Variants in ROR2 observed in about 807,000 individuals in gnomAD.
The protein encoded by ROR2 is tyrosine-protein kinase transmembrane receptor ROR2.
A neutral mutation model predicts 74.9 loss-of-function variants in ROR2; 33 were observed. The ratio of observed to expected loss-of-function variants is 0.44; its 90% confidence interval spans 0.33 to 0.59. The LOEUF is 0.59. ROR2 is among the 20% of genes least tolerant of loss of function. The pLI is 0.02. For missense variants in ROR2, 1,216 were observed against 1,313.8 expected, an observed-to-expected ratio of 0.93 and a Z score of 1.15; for synonymous variants, 586 against 558.7, an observed-to-expected ratio of 1.05 and a Z score of -0.69.
At chr9:91,781,271 C>G (rs1006744577) in intron 1 of ROR2, among the ~76,000 whole-genome samples, 1 of 152,176 alleles carries the variant, frequency 6.6e-6, no homozygotes, top group African/African-American at 2.4e-5. Flanking sequence ...CCAGACACCC[C>G]CTGAATGAAT....
chr9:91,834,118 C>T (rs1393882658), intron 1 of ROR2, among the ~76,000 whole-genome samples: 1 of 152,152 alleles, frequency 6.6e-6, no homozygotes, highest in African/African-American at 2.4e-5. Flanking sequence ...TACATGATCT[C>T]CATGGCAAAG....
Position 91,729,162 on chromosome 9 carries a change from T to C in ROR2, c.1183+1748A>G, listed in dbSNP as rs537097090. ...GGAAATCACTGCTAAAAGTTTGATATCCATCTTTCCAAAACCTCGTAAAAG... is the reference window on the plus strand; with the variant it reads ...GGAAATCACTGCTAAAAGTTTGATACCCATCTTTCCAAAACCTCGTAAAAG... On this transcript the variant is annotated intron_variant, in intron 7 of 8. Coordinates refer to ENST00000375708, the MANE Select transcript of ROR2 (RefSeq NM_004560.4). Among the ~76,000 whole-genome samples, 20 of 151,866 alleles carry C rather than the reference T, an allele frequency of 1.3e-4. No individual in the cohort carries two copies. In the South Asian group the frequency reaches 4.2e-3, roughly 32 times the overall value.
chr9:91,910,082 A>G (rs7872177), intron 1 of ROR2, among the ~76,000 whole-genome samples: 10,730 of 151,616 alleles, frequency 0.071, 567 homozygotes, highest in African/African-American at 0.14. Context: ...GGCTGGTCTC[A>G]AACTCCTGAC....
In ROR2 at chr9:91,724,204, C is replaced by T. The variant is rs756392196; in HGVS notation, c.2290G>A (p.Ala764Thr). 3.0e-5 allele frequency: 49 copies of T among 1,612,844 alleles called. No homozygotes were observed. Among genetic ancestry groups the T allele is most frequent in the Non-Finnish European group, 3.8e-5 (45 of 1,180,014 alleles). The change falls in exon 9 of 9, where the codon GCC becomes ACC. Residue 764 changes from alanine to threonine, a missense_variant. Transcript: ENST00000375708. ...NYNSSAQTSG[A>T]SNTTQTSSLS... ...GAGCTGGTCTGCGTGGTGTTGCTGG[C>T]CCCCGAGGTCTGCGCCGAGCTGTTG...
At chr9:91,837,003 T>A (rs1421454888) in intron 1 of ROR2, among the ~76,000 whole-genome samples, 1 of 152,258 alleles carries the variant, frequency 6.6e-6, no homozygotes, top group Admixed American at 6.5e-5. Context: ...ATTATTAGAT[T>A]GGAAAATCAT....
At chr9:91,739,243 G>A (rs1020914099) in intron 4 of ROR2, among the ~76,000 whole-genome samples, 2 of 152,128 alleles carry the variant, frequency 1.3e-5, no homozygotes, top group South Asian at 2.1e-4. Flanking sequence ...ACAGTGGCTC[G>A]TGCCTGTAAT....
intron 1 of ROR2, among the ~76,000 whole-genome samples, chr9:91,910,466 AACAG>A (rs921595108): frequency 1.3e-5 from 2 of 150,536 alleles, no homozygotes; most frequent in African/African-American, 4.8e-5. Context: ...CAGAAACAAA[AACAG>A]ACAAACTGGA....
intron 1 of ROR2, among the ~76,000 whole-genome samples, chr9:91,839,250 G>GT (rs1296299121): frequency 1.0e-3 from 70 of 67,072 alleles, no homozygotes; most frequent in East Asian, 2.5e-3. Context: ...GTCAGATCGG[G>GT]GGTGTGTGTG....
At position 91,747,751 on chromosome 9, in the gene ROR2, C is replaced by T. The variant is rs142971117; in HGVS notation, c.494+8320G>A. ...TCGTAAGCATATCATCACGGTGGGG[C>T]GGGGGAGGAGTCAGTCTACTGAAAC... On this transcript the variant is annotated intron_variant, in intron 4 of 8. Transcript: ENST00000375708. Among the ~76,000 whole-genome samples the T allele has an allele frequency of 8.6e-5, 13 of 151,824 alleles. No individual in the cohort carries two copies. The East Asian group carries it at 1.9e-3, about 23-fold the overall frequency.
chr9:91,890,568 G>A (rs1003998504), intron 1 of ROR2, among the ~76,000 whole-genome samples: 1 of 152,076 alleles, frequency 6.6e-6, no homozygotes, highest in East Asian at 1.9e-4. Context: ...CAATGCATCC[G>A]GAAGCTAATG....
At chr9:91,907,315 G>T (rs1830846152) in intron 1 of ROR2, among the ~76,000 whole-genome samples, 2 of 152,068 alleles carry the variant, frequency 1.3e-5, no homozygotes, top group South Asian at 4.2e-4. Context: ...GATGACCTGG[G>T]AGGCAACACA....
chr9:91,941,564 G>A (rs1384139383), intron 1 of ROR2, among the ~76,000 whole-genome samples: 6 of 152,126 alleles, frequency 3.9e-5, no homozygotes, highest in South Asian at 4.2e-4. Context: ...CTGACAACAC[G>A]TTTAAATAAC....
intron 1 of ROR2, among the ~76,000 whole-genome samples, chr9:91,909,847 G>GTTTTTT (rs71362365): frequency 8.2e-4 from 44 of 53,594 alleles, no homozygotes; most frequent in Non-Finnish European, 1.1e-3. Flanking sequence ...GGTTTGTTTT[G>GTTTTTT]TTTTTTTTTT....
At chr9:91,894,436 C>A (rs189004576) in intron 1 of ROR2, among the ~76,000 whole-genome samples, 87 of 152,244 alleles carry the variant, frequency 5.7e-4, no homozygotes, top group Non-Finnish European at 9.4e-4. Flanking sequence ...ATATAAATTC[C>A]TATTTCTTGG....
At chr9:91,919,183 T>TA (rs1831209339) in intron 1 of ROR2, among the ~76,000 whole-genome samples, 1 of 152,234 alleles carries the variant, frequency 6.6e-6, no homozygotes, top group Non-Finnish European at 1.5e-5. Flanking sequence ...TATTGGCTTT[T>TA]AAATGGGCAC....
chr9:91,852,209 A>AT (rs1829118570), intron 1 of ROR2, among the ~76,000 whole-genome samples: 1 of 152,166 alleles, frequency 6.6e-6, no homozygotes, highest in African/African-American at 2.4e-5. Context: ...AACATACTAC[A>AT]TCTCTGTATT....
intron 1 of ROR2, among the ~76,000 whole-genome samples, chr9:91,932,967 C>T (rs1289816852): frequency 1.3e-5 from 2 of 152,128 alleles, no homozygotes; most frequent in Non-Finnish European, 2.9e-5. Flanking sequence ...TAAATTGCTG[C>T]CACCTTCTGG....
intron 1 of ROR2, among the ~76,000 whole-genome samples, chr9:91,949,349 G>C (rs1029433935): frequency 3.0e-4 from 45 of 151,076 alleles, no homozygotes; most frequent in African/African-American, 9.7e-4. Flanking sequence ...CACCCCCGCC[G>C]CAAGAGCCGC....
At chr9:91,808,496 G>A (rs1461548604) in intron 1 of ROR2, among the ~76,000 whole-genome samples, 2 of 151,680 alleles carry the variant, frequency 1.3e-5, no homozygotes, top group Non-Finnish European at 2.9e-5. Flanking sequence ...GGGTGTGGTG[G>A]CACATGCCAC....
Sources: allele counts gnomAD v4.1 joint callset (sites outside exome capture counted in the v4.1 genomes callset), GRCh38; gene constraint gnomAD v4.1.1; transcripts MANE v1.5; gene names NCBI Gene and HGNC (gene_info 2026-07-23, HGNC 2026-07-21).